Variants in SH2B3 observed in about 807,000 individuals in gnomAD.
SH2B3 encodes SH2B adaptor protein 3.
A neutral mutation model predicts 51.9 loss-of-function variants in SH2B3; 43 were observed. That is an observed-to-expected ratio of 0.83 (90% CI 0.65 to 1.07). The LOEUF is 1.07. SH2B3 is among the 50% of genes least tolerant of loss of function. The pLI, the probability that SH2B3 is intolerant of heterozygous loss-of-function variation, is 0.00. For missense variants in SH2B3, 952 were observed against 834.3 expected, an observed-to-expected ratio of 1.14 and a Z score of -1.74; for synonymous variants, 396 against 376.0, an observed-to-expected ratio of 1.05 and a Z score of -0.62.
At chr12:111,421,849 G>A (rs924283345) in intron 2 of SH2B3, among the ~76,000 whole-genome samples, 9 of 152,170 alleles carry the variant, frequency 5.9e-5, no homozygotes, top group African/African-American at 2.2e-4. Flanking sequence ...AGGCTGTTAT[G>A]AAGTTTGCAT....
rs1245876824 is a variant in SH2B3 at position 111,410,845 on chromosome 12, ACT to A, written c.-28+4573_-28+4574del. Among the ~76,000 whole-genome samples, 3 of 151,884 alleles carry A rather than the reference ACT, an allele frequency of 2.0e-5. No individual in the cohort carries two copies. Among genetic ancestry groups the A allele is most frequent in the Non-Finnish European group, 4.4e-5 (3 of 67,974 alleles). ...AGGCAGTGTGTGTCAGAATCCCACAACTCTCTGGGCCTCCTTAGGCCACAGGG... is the reference window on the plus strand; with the variant it reads ...AGGCAGTGTGTGTCAGAATCCCACAACTCTGGGCCTCCTTAGGCCACAGGG... On this transcript the variant is annotated intron_variant, in intron 1 of 7. Transcript: ENST00000341259. The surrounding 1 kb of genome is among the most constrained non-coding windows in gnomAD (Gnocchi z 4.9).
intron 1 of SH2B3, among the ~76,000 whole-genome samples, chr12:111,408,033 G>A (rs2135529813): frequency 6.6e-6 from 1 of 152,316 alleles, no homozygotes; most frequent in Non-Finnish European, 1.5e-5. Flanking sequence ...GGTGGTGGTG[G>A]TAGTGGTGAT....
At chr12:111,444,022 C>T (rs943244075) in intron 2 of SH2B3, 5 of 152,166 alleles carry the variant, frequency 3.3e-5, no homozygotes, top group African/African-American at 1.2e-4. Flanking sequence ...TGGTGAAACC[C>T]CAGCTCTACT....
intron 2 of SH2B3, among the ~76,000 whole-genome samples, chr12:111,430,433 T>C (rs1177788286): frequency 6.6e-6 from 1 of 152,130 alleles, no homozygotes; most frequent in East Asian, 1.9e-4. Flanking sequence ...GTAATTAAGT[T>C]ATTATGGTCC....
At chr12:111,425,419 C>T (rs1243432138) in intron 2 of SH2B3, among the ~76,000 whole-genome samples, 1 of 152,076 alleles carries the variant, frequency 6.6e-6, no homozygotes, top group Non-Finnish European at 1.5e-5. Context: ...GGCCTCTTGG[C>T]AGGAGGTGCC....
intron 1 of SH2B3, among the ~76,000 whole-genome samples, chr12:111,416,477 G>A (rs530349453): frequency 7.2e-6 from 1 of 138,020 alleles, no homozygotes; most frequent in African/African-American, 2.7e-5. Flanking sequence ...ATAAGTTGTT[G>A]CTGGTTTTTT....
In SH2B3 at chr12:111,418,413, C is replaced by CG. The variant is rs746911774; in HGVS notation, c.271dup (p.Asp91GlyfsTer32). 1 of 1,484,894 alleles carries CG rather than the reference C, an allele frequency of 6.7e-7. No individual in the cohort carries two copies. Among genetic ancestry groups the CG allele is most frequent in the South Asian group, 1.3e-5 (1 of 79,996 alleles). The allele number at this position is 1,484,894 out of a possible 1,614,324, so 92.0% of individuals were successfully genotyped here. A position where few individuals can be genotyped will look rare whatever the true frequency, so the allele number is the denominator to read the frequency against. On this transcript the variant is annotated frameshift_variant, in exon 2 of 8. Transcript: ENST00000341259. LOFTEE classifies it high-confidence loss of function. The surrounding 1 kb of genome is among the most constrained non-coding windows in gnomAD (Gnocchi z 6.7). ...CGGACGGGCGCCGGGCCGCGACTAC[C>CG]GGGACACAGGCCGTGGGCCCCCAGC...
chr12:111,414,196 C>T (rs549442183), intron 1 of SH2B3, among the ~76,000 whole-genome samples: 14 of 152,304 alleles, frequency 9.2e-5, no homozygotes, highest in African/African-American at 3.1e-4. Flanking sequence ...CAGATGTGGC[C>T]CCTCCCTCTC....
chr12:111,437,498 C>T (rs1307480024), intron 2 of SH2B3, among the ~76,000 whole-genome samples: 1 of 152,140 alleles, frequency 6.6e-6, no homozygotes, highest in Non-Finnish European at 1.5e-5. Context: ...ACTGGGCATT[C>T]AGGGCAGCAG....
chr12:111,432,117 T>C (rs1178924015), intron 2 of SH2B3, among the ~76,000 whole-genome samples: 1 of 133,208 alleles, frequency 7.5e-6, no homozygotes, highest in African/African-American at 3.4e-5. Context: ...TTTTTCTGTA[T>C]TCTTTTTTTT....
At chr12:111,433,661 C>T (rs567933568) in intron 2 of SH2B3, among the ~76,000 whole-genome samples, 1 of 152,340 alleles carries the variant, frequency 6.6e-6, no homozygotes, top group East Asian at 1.9e-4. Flanking sequence ...CTCCTGGGCT[C>T]AAGTGATCCT....
chr12:111,427,685 G>GA (rs1872126194), intron 2 of SH2B3, among the ~76,000 whole-genome samples: 1 of 152,258 alleles, frequency 6.6e-6, no homozygotes, highest in Admixed American at 6.5e-5. Context: ...GATTAGCTGA[G>GA]ATGGTCTTGA....
At chr12:111,423,969 T>C (rs531658661) in intron 2 of SH2B3, among the ~76,000 whole-genome samples, 7 of 152,142 alleles carry the variant, frequency 4.6e-5, no homozygotes, top group African/African-American at 1.7e-4. Context: ...AAAATCAGCC[T>C]GGTGTGGTGG....
At chr12:111,447,880 T>A in intron 7 of SH2B3, 53 bp downstream of exon 7, 1 of 1,588,352 alleles carries the variant, frequency 6.3e-7, no homozygotes, top group Admixed American at 1.7e-5. Context: ...GGGTAGAGGG[T>A]AGAGGCTTGC....
intron 2 of SH2B3, among the ~76,000 whole-genome samples, chr12:111,442,431 G>A (rs907677398): frequency 6.6e-6 from 1 of 152,212 alleles, no homozygotes; most frequent in East Asian, 1.9e-4. Context: ...GGCGTGGCTG[G>A]TGCTGGAGGG....
Position 111,429,366 on chromosome 12 carries a change from C to G in SH2B3, c.732+10489C>G, listed in dbSNP as rs904788447. 6.6e-6 allele frequency among the ~76,000 whole-genome samples: 1 copy of G among 152,184 alleles called. No individual in the cohort carries two copies. Among genetic ancestry groups the G allele is most frequent in the African/African-American group, 2.4e-5 (1 of 41,444 alleles). On this transcript the variant is annotated intron_variant, in intron 2 of 7. Coordinates refer to ENST00000341259, the MANE Select transcript of SH2B3 (RefSeq NM_005475.3). The surrounding 1 kb of genome is among the most constrained non-coding windows in gnomAD (Gnocchi z 4.4). ...ATTTATTTAGAGACAGAGTCTCGCT[C>G]TGTCGCCCAGGTTAGAGCAGAGTGG...
chr12:111,413,476 A>G (rs1280139239), intron 1 of SH2B3, among the ~76,000 whole-genome samples: 1 of 152,160 alleles, frequency 6.6e-6, no homozygotes, highest in African/African-American at 2.4e-5. Context: ...GGACTGGTGG[A>G]AGGGGCCCAA....
At chr12:111,437,665 G>A (rs1053729468) in intron 2 of SH2B3, among the ~76,000 whole-genome samples, 3 of 152,206 alleles carry the variant, frequency 2.0e-5, no homozygotes, top group African/African-American at 7.2e-5. Context: ...CTGGTGGGGG[G>A]CATAGCAGAG....
At chr12:111,430,065 C>T (rs1040288160) in intron 2 of SH2B3, among the ~76,000 whole-genome samples, 1 of 152,192 alleles carries the variant, frequency 6.6e-6, no homozygotes, top group African/African-American at 2.4e-5. Context: ...GGCAGAGGCT[C>T]CTGGGGTAGG....
Sources: gnomAD v4.1 joint callset for allele counts (sites outside exome capture counted in the v4.1 genomes callset) on GRCh38, gnomAD v4.1.1 for gene constraint, Gnocchi (gnomAD v3.1) non-coding constraint, MANE v1.5 for transcripts, NCBI Gene and HGNC (gene_info 2026-07-23, HGNC 2026-07-21) for gene names.